The following AKAP19 variants were observed in gnomAD, a reference collection of about 807,000 sequenced individuals.
AKAP19 encodes the protein small A-kinase anchoring protein.
At chr2:189,969,829 C>G in the AKAP19 span, among the ~76,000 whole-genome samples, 1 of 143,380 alleles carries the variant, frequency 7.0e-6, no homozygotes, top group African/African-American at 2.5e-5. Flanking sequence ...CTCTTCTCTT[C>G]TCTTTTTCTC....
the AKAP19 span, among the ~76,000 whole-genome samples, chr2:190,184,455 AACTT>A: frequency 6.6e-6 from 1 of 152,224 alleles, no homozygotes; most frequent in East Asian, 1.9e-4. Flanking sequence ...TAAATAGGAA[AACTT>A]TAGTAAGCAT....
chr2:190,006,230 T>A, the AKAP19 span, among the ~76,000 whole-genome samples: 29 of 152,338 alleles, frequency 1.9e-4, no homozygotes, highest in African/African-American at 6.5e-4. Flanking sequence ...CTTCATGACA[T>A]CATTCCTGGA....
At chr2:190,019,277 G>GC in the AKAP19 span, among the ~76,000 whole-genome samples, 5 of 152,260 alleles carry the variant, frequency 3.3e-5, no homozygotes, top group African/African-American at 4.8e-5. Context: ...TCTGGGAAGA[G>GC]CTTGGGGTGG....
At chr2:190,175,103 ACAAAAT>A in the AKAP19 span, among the ~76,000 whole-genome samples, 1 of 147,822 alleles carries the variant, frequency 6.8e-6, no homozygotes. Context: ...AACAACAACA[ACAAAAT>A]CAGACGCTTA....
chr2:190,071,843 G>C, the AKAP19 span, among the ~76,000 whole-genome samples: 1 of 151,822 alleles, frequency 6.6e-6, no homozygotes, highest in Non-Finnish European at 1.5e-5. Flanking sequence ...AGATATACCA[G>C]ACAAATGCTA....
the AKAP19 span, among the ~76,000 whole-genome samples, chr2:190,112,515 T>C: frequency 1.3e-5 from 2 of 152,212 alleles, no homozygotes; most frequent in African/African-American, 2.4e-5. Flanking sequence ...TCTATTAATA[T>C]GATTTTTAAT....
At chr2:189,929,581 T>C in the AKAP19 span, among the ~76,000 whole-genome samples, 1 of 151,950 alleles carries the variant, frequency 6.6e-6, no homozygotes, top group Non-Finnish European at 1.5e-5. Context: ...AGAAAAGGGA[T>C]AGTACATCTC....
the AKAP19 span, among the ~76,000 whole-genome samples, chr2:190,077,358 T>G: frequency 2.6e-5 from 4 of 152,130 alleles, no homozygotes; most frequent in African/African-American, 7.2e-5. Context: ...TACAGGTGCC[T>G]GCCACCACAC....
the AKAP19 span, among the ~76,000 whole-genome samples, chr2:190,145,553 A>G: frequency 6.6e-6 from 1 of 152,070 alleles, no homozygotes; most frequent in Non-Finnish European, 1.5e-5. Flanking sequence ...TTATAATACC[A>G]TATTTTTACT....
the AKAP19 span, among the ~76,000 whole-genome samples, chr2:189,996,544 G>C: frequency 6.6e-6 from 1 of 151,686 alleles, no homozygotes; most frequent in East Asian, 1.9e-4. Flanking sequence ...CCTTTCTCTG[G>C]TATCTCCTTG....
chr2:190,041,100 A>C, the AKAP19 span, among the ~76,000 whole-genome samples: 2 of 152,162 alleles, frequency 1.3e-5, no homozygotes, highest in African/African-American at 4.8e-5. Context: ...TGAATTTGTA[A>C]ATAGCTTTTG....
chr2:190,061,266 A>G, the AKAP19 span, among the ~76,000 whole-genome samples: 1 of 152,176 alleles, frequency 6.6e-6, no homozygotes, highest in Non-Finnish European at 1.5e-5. Flanking sequence ...AAAGCATTGT[A>G]TTAAAGCAAG....
the AKAP19 span, among the ~76,000 whole-genome samples, chr2:190,030,330 T>A: frequency 6.6e-6 from 1 of 152,218 alleles, no homozygotes; most frequent in Non-Finnish European, 1.5e-5. Flanking sequence ...CCCAGTTTTG[T>A]AATAGAAAAT....
At chr2:189,983,662 A>G in the AKAP19 span, among the ~76,000 whole-genome samples, 1 of 152,282 alleles carries the variant, frequency 6.6e-6, no homozygotes, top group East Asian at 1.9e-4. Context: ...ACCGTCTTTT[A>G]TGGGTGGCCC....
At chr2:190,068,880 A>G in the AKAP19 span, among the ~76,000 whole-genome samples, 1 of 152,238 alleles carries the variant, frequency 6.6e-6, no homozygotes, top group African/African-American at 2.4e-5. Context: ...GTAGTTCTCC[A>G]GTGGAGCACT....
At chr2:189,999,484 A>G in the AKAP19 span, among the ~76,000 whole-genome samples, 1 of 152,110 alleles carries the variant, frequency 6.6e-6, no homozygotes, top group South Asian at 2.1e-4. Flanking sequence ...TTTTTATATT[A>G]GTACACACAT....
chr2:190,084,117 G>C, the AKAP19 span, among the ~76,000 whole-genome samples: 1 of 132,754 alleles, frequency 7.5e-6, no homozygotes, highest in African/African-American at 2.8e-5. Flanking sequence ...TTCTGAGACA[G>C]AGTCTGGCTC....
At chr2:190,110,252 T>C in the AKAP19 span, among the ~76,000 whole-genome samples, 6 of 152,346 alleles carry the variant, frequency 3.9e-5, no homozygotes, top group African/African-American at 1.4e-4. Flanking sequence ...TATATTGCAG[T>C]AAGTTGAAAA....
At chr2:190,153,517 T>C in the AKAP19 span, among the ~76,000 whole-genome samples, 2 of 152,206 alleles carry the variant, frequency 1.3e-5, no homozygotes. Flanking sequence ...CACTAGGAAA[T>C]GGGCTAGCCT....
Sources: allele counts gnomAD v4.1 joint callset (sites outside exome capture counted in the v4.1 genomes callset), GRCh38; gene constraint gnomAD v4.1.1; transcripts MANE v1.5; gene names NCBI Gene and HGNC (gene_info 2026-07-23, HGNC 2026-07-21).